LRGUK: variants seen among roughly 807,000 people sequenced by gnomAD.
LRGUK encodes the protein leucine rich repeats and guanylate kinase domain containing.
LRGUK carries 65 observed loss-of-function variants against 76.0 expected under a neutral mutation model. That is an observed-to-expected ratio of 0.85 (90% CI 0.70 to 1.05). The LOEUF (loss-of-function observed/expected upper bound fraction) is 1.05, where lower values mean the gene tolerates loss of function less well. Ranked by LOEUF, LRGUK falls within the 50% of genes least tolerant of loss-of-function variation. LRGUK has a pLI of 0.00. For missense variants in LRGUK, 758 were observed against 732.8 expected, an observed-to-expected ratio of 1.03 and a Z score of -0.40; for synonymous variants, 268 against 265.6, an observed-to-expected ratio of 1.01 and a Z score of -0.09.
chr7:134,134,690 G>A (rs1222463371), intron 1 of LRGUK, among the ~76,000 whole-genome samples: 1 of 152,216 alleles, frequency 6.6e-6, no homozygotes, highest in Non-Finnish European at 1.5e-5. Flanking sequence ...TAAAGGGCTA[G>A]GTGGAAAGTT....
chr7:134,129,092 TCCTC>T (rs1797163630), intron 1 of LRGUK, among the ~76,000 whole-genome samples: 1 of 149,390 alleles, frequency 6.7e-6, no homozygotes, highest in Non-Finnish European at 1.5e-5. Context: ...CTTCCTTCCT[TCCTC>T]CCTTCCTTCC....
chr7:134,191,578 CATA>C, intron 11 of LRGUK, 74 bp from the exon 12 acceptor site: 1 of 967,974 alleles, frequency 1.0e-6, no homozygotes, highest in Non-Finnish European at 1.6e-6. Flanking sequence ...TTTTTTAAAA[CATA>C]ATTTATATTG....
chr7:134,183,694 T>A (rs1217623257), intron 10 of LRGUK, 40 bp from the exon 11 acceptor site: 1 of 1,611,564 alleles, frequency 6.2e-7, no homozygotes, highest in Non-Finnish European at 8.5e-7. Context: ...GCTGTCTCCC[T>A]GACTGCAATA....
At chr7:134,147,930 T>C (rs1032071014) in intron 4 of LRGUK, among the ~76,000 whole-genome samples, 2 of 151,620 alleles carry the variant, frequency 1.3e-5, no homozygotes, top group African/African-American at 4.9e-5. Context: ...GTTGCGGTGG[T>C]GGGCACCTAT....
At chr7:134,211,384 T>G (rs1801262505), downstream of LRGUK, among the ~76,000 whole-genome samples, 1 of 152,242 alleles carries the variant, frequency 6.6e-6, no homozygotes, top group South Asian at 2.1e-4. Flanking sequence ...GCTTCTAGAC[T>G]TCTAGAAAAT....
intron 11 of LRGUK, 112 bp from the exon 12 acceptor site, chr7:134,191,536 CTTTATGA>C (rs1466965975): frequency 1.4e-6 from 1 of 729,084 alleles, no homozygotes. Context: ...AACTGTATTA[CTTTATGA>C]TTTATGATTT....
chr7:134,134,080 A>G (rs1303774916), intron 1 of LRGUK, among the ~76,000 whole-genome samples: 1 of 152,090 alleles, frequency 6.6e-6, no homozygotes, highest in Non-Finnish European at 1.5e-5. Context: ...AGAAAAAGAA[A>G]AAAAGAAATT....
chr7:134,238,792 G>T (rs1233803265), intron 16 of LRGUK, among the ~76,000 whole-genome samples: 3 of 151,874 alleles, frequency 2.0e-5, no homozygotes, highest in African/African-American at 7.3e-5. Flanking sequence ...ACTTTCTGTT[G>T]CTCATTTTTA....
At chr7:134,241,512 A>T (rs1488582675) in intron 16 of LRGUK, among the ~76,000 whole-genome samples, 1 of 152,256 alleles carries the variant, frequency 6.6e-6, no homozygotes, top group African/African-American at 2.4e-5. Context: ...TAACTGTCCT[A>T]AATATATATG....
At chr7:134,263,575 A>C (rs1004851651) in intron 19 of LRGUK, among the ~76,000 whole-genome samples, 1 of 149,508 alleles carries the variant, frequency 6.7e-6, no homozygotes, top group East Asian at 2.0e-4. Flanking sequence ...TGTACATGCT[A>C]TATTCTGACC....
At chr7:134,169,264 A>G (rs1309272959) in intron 7 of LRGUK, among the ~76,000 whole-genome samples, 1 of 152,064 alleles carries the variant, frequency 6.6e-6, no homozygotes, top group African/African-American at 2.4e-5. Flanking sequence ...AAGCCAAGCA[A>G]GGTCTGGAGT....
At chr7:134,271,745 A>G in the LRGUK span, among the ~76,000 whole-genome samples, 1 of 152,036 alleles carries the variant, frequency 6.6e-6, no homozygotes, top group African/African-American at 2.4e-5. Context: ...ATACAATTGT[A>G]TAATTTTCTC....
chr7:134,214,899 T>A (rs886539953), downstream of LRGUK, among the ~76,000 whole-genome samples: 1 of 152,070 alleles, frequency 6.6e-6, no homozygotes, highest in African/African-American at 2.4e-5. Flanking sequence ...TAGAGGTGAT[T>A]TGCAGAGGAA....
chr7:134,191,875 T>C, intron 12 of LRGUK, 124 bp downstream of exon 12: 1 of 599,808 alleles, frequency 1.7e-6, no homozygotes, highest in Non-Finnish European at 2.8e-6. Flanking sequence ...AGAGGTGAGT[T>C]TTTATGGGGT....
At chr7:134,221,817 A>G in exon 16 of LRGUK, 1 of 1,594,900 alleles carries the variant, frequency 6.3e-7, no homozygotes, top group Non-Finnish European at 8.5e-7. Context: ...AGCGCATCCT[A>G]CAAAGTATAT....
chr7:134,275,351 T>C, the LRGUK span, among the ~76,000 whole-genome samples: 3 of 152,180 alleles, frequency 2.0e-5, no homozygotes, highest in Admixed American at 6.5e-5. Flanking sequence ...GTCAAATTCT[T>C]GATCTAAAAG....
At chr7:134,237,887 G>C (rs932834448) in intron 16 of LRGUK, among the ~76,000 whole-genome samples, 4 of 151,888 alleles carry the variant, frequency 2.6e-5, no homozygotes, top group Admixed American at 6.6e-5. Context: ...TCCACACTGA[G>C]AACCCTAATT....
chr7:134,210,093 T>C, exon 16 of LRGUK: 1 of 398,522 alleles, frequency 2.5e-6, no homozygotes, highest in Admixed American at 4.4e-5. Flanking sequence ...GAAAAAAAGC[T>C]CCCCAACCAG....
intron 16 of LRGUK, among the ~76,000 whole-genome samples, chr7:134,226,430 A>T (rs1246418245): frequency 6.6e-6 from 1 of 152,188 alleles, no homozygotes; most frequent in African/African-American, 2.4e-5. Flanking sequence ...ATGCAATGAC[A>T]TGTGTGTAAG....
Sources: gnomAD v4.1 joint callset for allele counts (sites outside exome capture counted in the v4.1 genomes callset) on GRCh38, gnomAD v4.1.1 for gene constraint, MANE v1.5 for transcripts, NCBI Gene and HGNC (gene_info 2026-07-23, HGNC 2026-07-21) for gene names.